Variants in PDE1C observed in about 807,000 individuals in gnomAD.
PDE1C encodes the protein dual specificity calcium/calmodulin-dependent 3',5'-cyclic nucleotide phosphodiesterase 1C.
A neutral mutation model predicts 93.1 loss-of-function variants in PDE1C; 62 were observed. That is an observed-to-expected ratio of 0.67 (90% CI 0.54 to 0.82). The LOEUF (loss-of-function observed/expected upper bound fraction) is 0.82. Ranked by LOEUF, PDE1C falls within the 40% of genes least tolerant of loss-of-function variation. PDE1C has a pLI of 0.00. For missense variants in PDE1C, 742 were observed against 884.6 expected, an observed-to-expected ratio of 0.84 and a Z score of 2.04; for synonymous variants, 325 against 310.1, an observed-to-expected ratio of 1.05 and a Z score of -0.50.
In PDE1C at chr7:31,844,936, C is replaced by T. The variant is rs138920378; in HGVS notation, c.980+3032G>A. On this transcript the variant is annotated intron_variant, in intron 9 of 17. Transcript: ENST00000396191. ...TCCTTCTTCTGTCTTCTCTATCATG[C>T]ACTAAGCCTATGTAGCAAATTCTAA... Among the ~76,000 whole-genome samples, 83 of 152,192 alleles carry T rather than the reference C, an allele frequency of 5.5e-4. 1 individual carries two copies. Among genetic ancestry groups the T allele is most frequent in the African/African-American group, 1.6e-3 (66 of 41,556 alleles).
At chr7:31,747,725 T>A (rs1036193485), downstream of PDE1C, among the ~76,000 whole-genome samples, 5 of 152,162 alleles carry the variant, frequency 3.3e-5, no homozygotes, top group African/African-American at 1.2e-4. Context: ...TGGGAGCTGC[T>A]GATTGGTTAG....
intron 3 of PDE1C, among the ~76,000 whole-genome samples, chr7:32,147,875 TG>T: frequency 6.6e-6 from 1 of 150,508 alleles, no homozygotes. Flanking sequence ...CATTGGGAGT[TG>T]GGGGAAGCCA....
intron 1 of PDE1C, among the ~76,000 whole-genome samples, chr7:32,313,281 T>C (rs1015218719): frequency 6.6e-6 from 1 of 151,806 alleles, no homozygotes; most frequent in Non-Finnish European, 1.5e-5. Context: ...TGTGGAGAAA[T>C]AGGAACACTT....
At chr7:31,855,793 A>G (rs576381773) in intron 7 of PDE1C, among the ~76,000 whole-genome samples, 64 of 122,454 alleles carry the variant, frequency 5.2e-4, no homozygotes, top group African/African-American at 1.8e-3. Flanking sequence ...TCCTTTCTGG[A>G]AAAAAAAAAA....
chr7:31,977,625 GC>G (rs985180912), intron 2 of PDE1C, among the ~76,000 whole-genome samples: 6 of 152,090 alleles, frequency 3.9e-5, no homozygotes, highest in Non-Finnish European at 8.8e-5. Context: ...TTTGTATCAT[GC>G]TACACTAATC....
At chr7:32,196,653 TA>T (rs959426915) in intron 2 of PDE1C, among the ~76,000 whole-genome samples, 1 of 152,180 alleles carries the variant, frequency 6.6e-6, no homozygotes, top group Non-Finnish European at 1.5e-5. Context: ...TGAAGGCTTT[TA>T]AGAGGGAGAA....
intron 16 of PDE1C, among the ~76,000 whole-genome samples, chr7:31,782,638 G>T (rs13232836): frequency 0.06 from 9,114 of 152,180 alleles, 436 homozygotes; most frequent in East Asian, 0.25. Context: ...AAGGCATCAG[G>T]CTGGATGCCA....
At chr7:31,886,425 T>G (rs1265162222) in intron 2 of PDE1C, among the ~76,000 whole-genome samples, 1 of 152,234 alleles carries the variant, frequency 6.6e-6, no homozygotes, top group Non-Finnish European at 1.5e-5. Context: ...CTGATTAAGA[T>G]GGCCACACTT....
At chr7:32,011,131 A>T (rs1411643159) in intron 2 of PDE1C, among the ~76,000 whole-genome samples, 1 of 152,168 alleles carries the variant, frequency 6.6e-6, no homozygotes, top group East Asian at 1.9e-4. Flanking sequence ...CAAATCACAA[A>T]TCTGATAAAG....
intron 1 of PDE1C, among the ~76,000 whole-genome samples, chr7:32,348,443 C>T (rs1439847935): frequency 1.5e-5 from 2 of 129,968 alleles, no homozygotes; most frequent in African/African-American, 5.7e-5. Context: ...TGGCTCACTG[C>T]AAGCTCTGTC....
At chr7:32,308,639 G>C (rs1223967036) in intron 1 of PDE1C, among the ~76,000 whole-genome samples, 2 of 152,216 alleles carry the variant, frequency 1.3e-5, no homozygotes, top group African/African-American at 4.8e-5. Flanking sequence ...AGGCAAACAG[G>C]GTCTGGAGTG....
the PDE1C span, chr7:31,692,658 C>A: frequency 1.3e-6 from 1 of 742,158 alleles, no homozygotes; most frequent in Non-Finnish European, 2.2e-6. Context: ...TGACAGCCAA[C>A]ACCAGATGGG....
the PDE1C span, among the ~76,000 whole-genome samples, chr7:31,626,162 C>A: frequency 6.6e-6 from 1 of 152,188 alleles, no homozygotes; most frequent in Non-Finnish European, 1.5e-5. Context: ...AAATCTGTGA[C>A]TATGTGTATG....
At chr7:32,221,287 A>G (rs1018335716) in intron 1 of PDE1C, among the ~76,000 whole-genome samples, 1 of 152,232 alleles carries the variant, frequency 6.6e-6, no homozygotes, top group East Asian at 1.9e-4. Context: ...TCCCACAGTG[A>G]TCTTCAGGCT....
At chr7:32,165,336 A>G (rs1802174011) in intron 3 of PDE1C, among the ~76,000 whole-genome samples, 1 of 152,166 alleles carries the variant, frequency 6.6e-6, no homozygotes, top group Non-Finnish European at 1.5e-5. Flanking sequence ...AAACCCCAGG[A>G]AGGGGGTCTC....
intron 1 of PDE1C, among the ~76,000 whole-genome samples, chr7:32,063,445 GA>G (rs1490568955): frequency 6.6e-6 from 1 of 152,198 alleles, no homozygotes; most frequent in Non-Finnish European, 1.5e-5. Context: ...TGGTAATGCA[GA>G]AACCTCTCTG....
At chr7:31,695,341 A>T in the PDE1C span, 1 of 775,662 alleles carries the variant, frequency 1.3e-6, no homozygotes, top group Non-Finnish European at 1.9e-6. Flanking sequence ...CACAATAAAT[A>T]AACACTTTTC....
chr7:31,974,789 A>G (rs920695644), intron 2 of PDE1C, among the ~76,000 whole-genome samples: 3 of 152,232 alleles, frequency 2.0e-5, no homozygotes, highest in African/African-American at 7.2e-5. Context: ...CTGGGGGATG[A>G]TGGAAATTTT....
At chr7:31,785,769 C>T (rs1267702534) in intron 16 of PDE1C, 1 of 152,074 alleles carries the variant, frequency 6.6e-6, no homozygotes, top group African/African-American at 2.4e-5. Flanking sequence ...ACTCTGGTAA[C>T]ATTCTAACTC....
Sources: allele counts gnomAD v4.1 joint callset (sites outside exome capture counted in the v4.1 genomes callset), GRCh38; gene constraint gnomAD v4.1.1; transcripts MANE v1.5; gene names NCBI Gene and HGNC (gene_info 2026-07-23, HGNC 2026-07-21).